Variants in TIAM1 observed in about 807,000 individuals in gnomAD.
TIAM1 encodes the protein TIAM Rac1 associated GEF 1.
Under a neutral mutation model 163.5 loss-of-function variants are expected in TIAM1, and 65 were observed. The observed-to-expected ratio is 0.40, with a 90% CI of 0.33 to 0.49. The LOEUF is 0.49. Among genes scored for constraint, TIAM1 ranks in the 20% least tolerant of loss-of-function variants. TIAM1 has a pLI of 0.77. For synonymous variants in TIAM1, 833 were observed against 810.1 expected, an observed-to-expected ratio of 1.03 and a Z score of -0.48; for missense variants, 1,789 against 2,044.7, an observed-to-expected ratio of 0.87 and a Z score of 2.41.
intron 2 of TIAM1, among the ~76,000 whole-genome samples, chr21:31,435,690 T>C (rs577958672): frequency 6.6e-6 from 1 of 152,220 alleles, no homozygotes; most frequent in Non-Finnish European, 1.5e-5. Flanking sequence ...ATGGTTTGAA[T>C]GTGTTCCCCA....
chr21:31,379,629 C>A (rs958517006), intron 2 of TIAM1, among the ~76,000 whole-genome samples: 1 of 152,022 alleles, frequency 6.6e-6, no homozygotes, highest in African/African-American at 2.4e-5. Context: ...ACCCAAATGT[C>A]CATCAATTAA....
intron 2 of TIAM1, among the ~76,000 whole-genome samples, chr21:31,283,537 T>TTTTATTAATTTA (rs1555916031): frequency 9.9e-5 from 15 of 151,270 alleles, no homozygotes; most frequent in African/African-American, 3.4e-4. Flanking sequence ...TCTTTCCCTT[T>TTTTATTAATTTA]TTTATTTATT....
intron 1 of TIAM1, among the ~76,000 whole-genome samples, chr21:31,526,543 T>C (rs1297629880): frequency 6.6e-6 from 1 of 152,200 alleles, no homozygotes; most frequent in Non-Finnish European, 1.5e-5. Context: ...ACTCCCTTTT[T>C]TTCTAAGACG....
At chr21:31,310,781 A>G (rs1324823980) in intron 2 of TIAM1, among the ~76,000 whole-genome samples, 2 of 152,228 alleles carry the variant, frequency 1.3e-5, no homozygotes, top group African/African-American at 4.8e-5. Flanking sequence ...GCGTAGCCAA[A>G]AACCCTAAAG....
chr21:31,455,170 T>C (rs1156613153), intron 2 of TIAM1, among the ~76,000 whole-genome samples: 4 of 151,122 alleles, frequency 2.6e-5, no homozygotes, highest in East Asian at 2.0e-4. Context: ...TCCCAGATAC[T>C]TGGGTGGCTG....
At chr21:31,411,044 G>C (rs951769116) in intron 2 of TIAM1, among the ~76,000 whole-genome samples, 5 of 152,232 alleles carry the variant, frequency 3.3e-5, no homozygotes, top group African/African-American at 1.2e-4. Flanking sequence ...GGACAGGACT[G>C]TCCTGCCCAC....
chr21:31,508,526 T>G (rs1569397761), intron 1 of TIAM1, among the ~76,000 whole-genome samples: 1 of 151,906 alleles, frequency 6.6e-6, no homozygotes, highest in Non-Finnish European at 1.5e-5. Flanking sequence ...GTAGCTGGGA[T>G]TACAGGCATA....
Position 31,375,881 on chromosome 21 carries a change from GC to G in TIAM1, c.-368-36460del, listed in dbSNP as rs2076675458. 2.6e-5 allele frequency among the ~76,000 whole-genome samples: 4 copies of G among 152,096 alleles called. No homozygotes were observed. In the South Asian group the frequency reaches 8.3e-4, roughly 32 times the overall value. ...ATCTCTACTAAAAATACAAAAATTA[GC>G]CGGGCATGATGGTGGGCGCCTGTAA... On this transcript the variant is annotated intron_variant, in intron 2 of 28. Coordinates refer to the TIAM1 transcript ENST00000286827.
chr21:31,192,854 C>A (rs2085634159), intron 13 of TIAM1, among the ~76,000 whole-genome samples: 1 of 152,104 alleles, frequency 6.6e-6, no homozygotes, highest in African/African-American at 2.4e-5. Flanking sequence ...AAGCACTGTC[C>A]CAGGTGGCAG....
At chr21:31,179,126 C>T (rs550627981) in intron 15 of TIAM1, among the ~76,000 whole-genome samples, 28 of 151,964 alleles carry the variant, frequency 1.8e-4, no homozygotes, top group African/African-American at 6.5e-4. Flanking sequence ...GTGGCTCATT[C>T]CTGTAATCCC....
intron 2 of TIAM1, among the ~76,000 whole-genome samples, chr21:31,355,220 T>G (rs2076296105): frequency 6.6e-6 from 1 of 150,724 alleles, no homozygotes; most frequent in African/African-American, 2.4e-5. Context: ...CCATTAACCG[T>G]CTGGTAGAAA....
intron 4 of TIAM1, among the ~76,000 whole-genome samples, chr21:31,264,933 G>C (rs947302596): frequency 2.6e-5 from 4 of 152,144 alleles, no homozygotes; most frequent in East Asian, 3.9e-4. Context: ...CAAAAGCCAA[G>C]ACTCCCTGAA....
chr21:31,304,026 AT>A (rs1653215873), intron 2 of TIAM1, among the ~76,000 whole-genome samples: 1 of 152,132 alleles, frequency 6.6e-6, no homozygotes, highest in Non-Finnish European at 1.5e-5. Context: ...GATAGTGAAT[AT>A]GACATAGCTC....
intron 1 of TIAM1, among the ~76,000 whole-genome samples, chr21:31,544,074 G>A (rs1054952255): frequency 6.8e-6 from 1 of 147,446 alleles, no homozygotes; most frequent in African/African-American, 2.4e-5. Flanking sequence ...GCTGGGCATG[G>A]TGGCAAGTGC....
At chr21:31,406,756 A>T (rs1002251630) in intron 2 of TIAM1, among the ~76,000 whole-genome samples, 2 of 152,188 alleles carry the variant, frequency 1.3e-5, no homozygotes, top group Non-Finnish European at 2.9e-5. Flanking sequence ...AACAAAGCAG[A>T]CATGAAATGT....
chr21:31,528,054 G>A (rs574073173), intron 1 of TIAM1, among the ~76,000 whole-genome samples: 7 of 152,152 alleles, frequency 4.6e-5, no homozygotes, highest in African/African-American at 9.7e-5. Flanking sequence ...GCTTTCCAGC[G>A]TACAAGATTG....
At position 31,171,062 on chromosome 21, in the gene TIAM1, A is replaced by AAAC. The variant is rs1555879081; in HGVS notation, c.2888-5998_2888-5997insGTT. 7.3e-4 allele frequency among the ~76,000 whole-genome samples: 87 copies of AAAC among 119,310 alleles called. 5 individuals carry two copies. Among genetic ancestry groups the AAAC allele is most frequent in the Non-Finnish European group, 9.1e-4 (51 of 55,826 alleles). The allele number at this position is 119,310 out of a possible 152,430, so 78.3% of individuals were successfully genotyped here. Reference sequence around the variant, plus strand: ...AAAAAAAAAAAAAAAAAAAAAAAAAATTGGGGGCCATCTGTATATGGAAAT... The same window carrying AAAC: ...AAAAAAAAAAAAAAAAAAAAAAAAAAAACTTGGGGGCCATCTGTATATGGAAAT... On this transcript the variant is annotated intron_variant, in intron 15 of 27. Coordinates refer to ENST00000541036, the MANE Select transcript of TIAM1 (RefSeq NM_001353694.2).
intron 6 of TIAM1, among the ~76,000 whole-genome samples, chr21:31,233,533 C>T (rs1219876304): frequency 6.6e-6 from 1 of 152,028 alleles, no homozygotes; most frequent in Non-Finnish European, 1.5e-5. Flanking sequence ...GGTGAAAGTC[C>T]ATCTCTACTA....
At chr21:31,314,523 A>C (rs550184332) in intron 2 of TIAM1, among the ~76,000 whole-genome samples, 31 of 152,314 alleles carry the variant, frequency 2.0e-4, no homozygotes, top group Non-Finnish European at 2.9e-4. Context: ...CACATACATC[A>C]GTTTTTCTTA....
Sources: allele counts gnomAD v4.1 joint callset (sites outside exome capture counted in the v4.1 genomes callset), GRCh38; gene constraint gnomAD v4.1.1; transcripts MANE v1.5; gene names NCBI Gene and HGNC (gene_info 2026-07-23, HGNC 2026-07-21).